The following GCLC variants were observed in gnomAD, a reference collection of about 807,000 sequenced individuals.
GCLC encodes glutamate-cysteine ligase catalytic subunit.
GCLC carries 30 observed loss-of-function variants against 81.5 expected under a neutral mutation model. The observed-to-expected ratio is 0.37, with a 90% CI of 0.28 to 0.50. GCLC has a LOEUF of 0.50. Ranked by LOEUF, GCLC falls within the 20% of genes least tolerant of loss-of-function variation. The probability of loss-of-function intolerance (pLI) is 0.96; values close to 1 mark genes in which losing one functional copy is unlikely to be tolerated. For missense variants in GCLC, 556 were observed against 777.4 expected (o/e 0.72, Z 3.39); for synonymous variants, 262 against 273.3 (o/e 0.96, Z 0.41).
chr6:53,513,981 G>A lies in GCLC; in HGVS notation c.753+223C>T, dbSNP rs188706120. Reference sequence around the variant, plus strand: ...TTACAGTTATAAAGGTATATATACCGTATATACCTTTGTGGTGAACAACAG... The same window carrying A: ...TTACAGTTATAAAGGTATATATACCATATATACCTTTGTGGTGAACAACAG... On this transcript the variant is annotated intron_variant, in intron 6 of 15. Coordinates refer to ENST00000650454, the MANE Select transcript of GCLC (RefSeq NM_001498.4). 2.7e-4 allele frequency: 161 copies of A among 586,322 alleles called. 2 individuals are homozygous for A. The East Asian group carries it at 4.5e-3, about 16-fold the overall frequency. The allele number at this position is 586,322 out of a possible 1,614,324, so 36.3% of individuals were successfully genotyped here.
chr6:53,544,012 T>C (rs1040736043), intron 1 of GCLC, among the ~76,000 whole-genome samples: 1 of 152,098 alleles, frequency 6.6e-6, no homozygotes, highest in Admixed American at 6.5e-5. Flanking sequence ...TTGGAGAGGT[T>C]TAAGGAAAAG....
At chr6:53,539,744 A>G (rs765439758) in intron 1 of GCLC, among the ~76,000 whole-genome samples, 1 of 152,124 alleles carries the variant, frequency 6.6e-6, no homozygotes, top group African/African-American at 2.4e-5. Flanking sequence ...GCCATTCTTC[A>G]TCTCCACGTG....
intron 3 of GCLC, among the ~76,000 whole-genome samples, chr6:53,518,662 G>A (rs1187372868): frequency 6.6e-6 from 1 of 152,094 alleles, no homozygotes; most frequent in Non-Finnish European, 1.5e-5. Context: ...AAACACCACT[G>A]CCCATCAATC....
At chr6:53,513,885 A>G (rs1448878546) in intron 6 of GCLC, 2 of 316,692 alleles carry the variant, frequency 6.3e-6, no homozygotes, top group Middle Eastern at 9.7e-4. Flanking sequence ...ACGAGATGGC[A>G]GTAAAAACTA....
intron 1 of GCLC, among the ~76,000 whole-genome samples, chr6:53,530,207 C>T (rs1763148874): frequency 6.6e-6 from 1 of 152,188 alleles, no homozygotes. Flanking sequence ...GACAGGACGA[C>T]AGGGCTTCAA....
At chr6:53,540,704 C>A (rs1429742682) in intron 1 of GCLC, among the ~76,000 whole-genome samples, 4 of 146,402 alleles carry the variant, frequency 2.7e-5, no homozygotes, top group Non-Finnish European at 6.0e-5. Context: ...CACACACACA[C>A]AAAAGTCCTG....
intron 9 of GCLC, 162 bp from the exon 10 acceptor site, chr6:53,507,187 CCTGCGGACA>C (rs999653301): frequency 4.7e-5 from 33 of 702,016 alleles, no homozygotes; most frequent in Non-Finnish European, 8.2e-5. Flanking sequence ...AGTATTTTAT[CCTGCGGACA>C]CTGCGGGAGT....
At chr6:53,508,563 T>C in intron 8 of GCLC, 32 bp downstream of exon 8, 1 of 1,269,954 alleles carries the variant, frequency 7.9e-7, no homozygotes, top group Non-Finnish European at 1.2e-6. Flanking sequence ...CTGCTTGACT[T>C]AAAAGGGCTA....
chr6:53,520,850 C>T lies in GCLC; in HGVS notation c.374G>A (p.Arg125Gln), dbSNP rs374816736. ...SEFNTVEANM[R>Q]KRRKEATSIL... The stretch of plus-strand genomic sequence containing the variant: ...AGAAGTAGCCTCCTTCCGGCGTTTT[C>T]GCATGTTGGCCTCAACTGTATTGAA... Residue 125 changes from arginine to glutamine, a missense_variant, in exon 3 of 16, where the codon CGA becomes CAA. This residue lies in a region of GCLC where 234 missense variants were observed against 303.8 expected (regional missense o/e 0.77). Coordinates refer to ENST00000650454, the MANE Select transcript of GCLC (RefSeq NM_001498.4). 1.9e-5 allele frequency: 30 copies of T among 1,614,102 alleles called. No homozygotes were observed. The highest frequency in any genetic ancestry group is 2.2e-5 in the Non-Finnish European group (26 of 1,179,930).
Position 53,507,579 on chromosome 6 carries a change from A to G in GCLC, c.985T>C (p.Tyr329His). ...GATAAATAGCTGTCTATTGAGTCATATCGGGATTTACTGATCCTATAGTTA... is the reference window on the plus strand; with the variant it reads ...GATAAATAGCTGTCTATTGAGTCATGTCGGGATTTACTGATCCTATAGTTA... ...NNNYRISKSR[Y>H]DSIDSYLSKC... Residue 329 changes from tyrosine (Y) to histidine (H), a missense_variant, in exon 9 of 16, where the codon TAT becomes CAT. Around this residue, in one of 3 missense-constraint regions of GCLC, gnomAD observed 313 missense variants for 437.3 expected, o/e 0.72. Transcript: ENST00000650454. 6.4e-7 allele frequency: 1 copy of G among 1,573,480 alleles called. No individual in the cohort carries two copies. The highest frequency in any genetic ancestry group is 1.1e-5 in the South Asian group (1 of 90,270).
chr6:53,530,963 G>T (rs948884179), intron 1 of GCLC, among the ~76,000 whole-genome samples: 37 of 152,272 alleles, frequency 2.4e-4, no homozygotes, highest in African/African-American at 8.2e-4. Flanking sequence ...GGTAATAGGT[G>T]GGGGAGCAGC....
intron 1 of GCLC, among the ~76,000 whole-genome samples, chr6:53,533,817 G>A (rs1440018720): frequency 1.4e-5 from 2 of 146,110 alleles, no homozygotes; most frequent in African/African-American, 2.5e-5. Flanking sequence ...TTTTTGAGAC[G>A]GAGTTTCACT....
chr6:53,517,249 GT>G (rs201960255), intron 3 of GCLC, among the ~76,000 whole-genome samples: 3,026 of 72,760 alleles, frequency 0.042, 68 homozygotes, highest in Admixed American at 0.14. Flanking sequence ...ACTGTACCAA[GT>G]TTTTTTTTTT....
At chr6:53,505,654 C>G in intron 11 of GCLC, 149 bp downstream of exon 11, 1 of 744,522 alleles carries the variant, frequency 1.3e-6, no homozygotes, top group Admixed American at 2.0e-5. Context: ...CAGAAATCAA[C>G]CCTCCTTAAC....
At chr6:53,529,332 T>A (rs568231150) in intron 1 of GCLC, among the ~76,000 whole-genome samples, 1 of 152,328 alleles carries the variant, frequency 6.6e-6, no homozygotes, top group Non-Finnish European at 1.5e-5. Flanking sequence ...TTGATTTTTT[T>A]AAAAACATCA....
In GCLC at chr6:53,508,699, C is replaced by T. The variant is rs751054419; in HGVS notation, c.841G>A (p.Ala281Thr). ...TICPIVMALS[A>T]ASPFYRGYVS... ...TAGCCTCGGTAAAAGGGAGATGCAG[C>T]ACTCAAAGCCATCTAAAAACAAACA... is the stretch of plus-strand genomic sequence containing the variant. The change falls in exon 8 of 16, where the codon GCT becomes ACT. Residue 281 changes from alanine (A) to threonine (T), a missense_variant. Coordinates refer to ENST00000650454, the MANE Select transcript of GCLC (RefSeq NM_001498.4). 3.1e-6 allele frequency: 5 copies of T among 1,610,622 alleles called. No individual in the cohort carries two copies. In the South Asian group the frequency reaches 5.5e-5, roughly 18 times the overall value.
rs2127621425 is a variant in GCLC, at chr6:53,509,130, A to C, written c.828+46T>G. ...CAGTAAATTCTGCACATGCTATCTT[A>C]TTTCATACGAAGTAGTATTTAAAAT... On this transcript the variant is annotated intron_variant, in intron 7 of 15. Transcript: ENST00000650454. 3.5e-6 allele frequency: 4 copies of C among 1,159,202 alleles called. No homozygotes were observed. The East Asian group carries it at 9.3e-5, about 27-fold the overall frequency. The allele number at this position is 1,159,202 out of a possible 1,614,324, so 71.8% of individuals were successfully genotyped here.
chr6:53,502,191 C>T (rs670548), intron 12 of GCLC, among the ~76,000 whole-genome samples: 112,674 of 152,172 alleles, frequency 0.74, 43,052 homozygotes, highest in African/African-American at 0.93. Context: ...GTATGAGATA[C>T]GTAATATACG....
chr6:53,537,088 T>TAG (rs1763268939), intron 1 of GCLC, among the ~76,000 whole-genome samples: 1 of 152,228 alleles, frequency 6.6e-6, no homozygotes, highest in Non-Finnish European at 1.5e-5. Context: ...CCTCCTTTGT[T>TAG]ACACTGTTCT....
Sources: gnomAD v4.1 joint callset for allele counts (sites outside exome capture counted in the v4.1 genomes callset) on GRCh38, gnomAD v4.1.1 for gene constraint, gnomAD v4.1.1 regional missense constraint, MANE v1.5 for transcripts, NCBI Gene and HGNC (gene_info 2026-07-23, HGNC 2026-07-21) for gene names.